Variants in PCDHA3 observed in about 807,000 individuals in gnomAD.
PCDHA3 encodes the protein protocadherin alpha 3, also known as protocadherin alpha-3.
Under a neutral mutation model 62.2 loss-of-function variants are expected in PCDHA3, and 41 were observed. The observed-to-expected ratio is 0.66, with a 90% CI of 0.51 to 0.86. The LOEUF (loss-of-function observed/expected upper bound fraction) is 0.86, where lower values mean the gene tolerates loss of function less well. PCDHA3 is among the 40% of genes least tolerant of loss of function. The pLI is 0.00. For missense variants in PCDHA3, 1,304 were observed against 1,241.2 expected (o/e 1.05, Z -0.76); for synonymous variants, 640 against 555.4 (o/e 1.15, Z -2.14).
chr5:140,856,499 T>A, intron 1 of PCDHA3: 1 of 1,598,458 alleles, frequency 6.3e-7, no homozygotes, highest in Non-Finnish European at 8.6e-7. Flanking sequence ...TGACTCTCGA[T>A]TTCCACTAGA....
intron 1 of PCDHA3, chr5:140,828,065 AT>A: frequency 2.6e-6 from 4 of 1,559,414 alleles, no homozygotes; most frequent in Non-Finnish European, 3.5e-6. Context: ...AGATCTTCTA[AT>A]GGAAATAAAA....
chr5:140,995,685 T>C (rs951521178), intron 3 of PCDHA3, among the ~76,000 whole-genome samples: 8 of 152,186 alleles, frequency 5.3e-5, no homozygotes, highest in African/African-American at 1.9e-4. Flanking sequence ...TTTTTTTTAA[T>C]TGTTAAATAA....
chr5:140,853,692 C>G, intron 1 of PCDHA3: 1 of 987,924 alleles, frequency 1.0e-6, no homozygotes, highest in Non-Finnish European at 1.2e-6. Context: ...ATCCTTAGAC[C>G]TGCTAACGCA....
At chr5:140,824,520 T>G in intron 1 of PCDHA3, 2 of 214,438 alleles carry the variant, frequency 9.3e-6, no homozygotes, top group East Asian at 1.2e-4. Flanking sequence ...GATCTGATCA[T>G]AGCTCACCGA....
chr5:140,949,685 G>A (rs1044878374), intron 1 of PCDHA3, among the ~76,000 whole-genome samples: 4 of 151,794 alleles, frequency 2.6e-5, no homozygotes, highest in East Asian at 1.9e-4. Flanking sequence ...TTGTTGAAGC[G>A]TATTGTTGGA....
intron 1 of PCDHA3, chr5:140,884,052 G>A (rs200938440): frequency 8.7e-6 from 14 of 1,613,472 alleles, no homozygotes; most frequent in African/African-American, 4.0e-5. Context: ...GCGAAGGTGC[G>A]CGCGGTGGAC....
At chr5:140,803,941 A>G in intron 1 of PCDHA3, 1 of 380,398 alleles carries the variant, frequency 2.6e-6, no homozygotes, top group South Asian at 4.0e-5. Flanking sequence ...TCCCTATACA[A>G]TGCTTCTTCA....
chr5:140,968,614 A>G, intron 1 of PCDHA3: 5 of 1,614,142 alleles, frequency 3.1e-6, no homozygotes, highest in Non-Finnish European at 4.2e-6. Flanking sequence ...ACTCTGGGCA[A>G]AATGCTTGGC....
At chr5:140,916,539 A>G (rs114063131) in intron 1 of PCDHA3, among the ~76,000 whole-genome samples, 1,727 of 152,262 alleles carry the variant, frequency 0.011, 30 homozygotes, top group African/African-American at 0.038. Context: ...CACCAAGGCA[A>G]TGGGTTTTCT....
intron 1 of PCDHA3, among the ~76,000 whole-genome samples, chr5:140,956,211 T>C (rs908749043): frequency 6.6e-6 from 1 of 152,198 alleles, no homozygotes; most frequent in African/African-American, 2.4e-5. Context: ...AAAGAGGGCA[T>C]CCTTGTCTTG....
intron 1 of PCDHA3, chr5:140,823,400 C>A (rs2150125536): frequency 1.2e-5 from 20 of 1,612,960 alleles, no homozygotes; most frequent in Non-Finnish European, 1.4e-5. Flanking sequence ...GCGGGCGTGC[C>A]GCCTCTGGGC....
At chr5:140,841,572 T>C (rs1562389584) in intron 1 of PCDHA3, 4 of 1,613,982 alleles carry the variant, frequency 2.5e-6, no homozygotes, top group Middle Eastern at 1.7e-4. Flanking sequence ...AATGGCATTT[T>C]GTTTGTGAAT....
intron 1 of PCDHA3, chr5:140,836,538 A>T: frequency 6.2e-7 from 1 of 1,613,734 alleles, no homozygotes; most frequent in Non-Finnish European, 8.5e-7. Context: ...GCTGCTGTAC[A>T]CGGCGTTGCG....
intron 1 of PCDHA3, chr5:140,930,241 C>T (rs2086688232): frequency 1.3e-5 from 2 of 152,148 alleles, no homozygotes; most frequent in African/African-American, 2.4e-5. Context: ...ATCCAAAGTC[C>T]ATTCAACTTG....
chr5:140,974,309 TGA>T (rs1190034770), intron 1 of PCDHA3, among the ~76,000 whole-genome samples: 4 of 152,212 alleles, frequency 2.6e-5, no homozygotes, highest in South Asian at 4.1e-4. Context: ...CAACTGTGAG[TGA>T]GAGAGTAGCT....
chr5:141,000,292 T>C (rs2097899521), intron 3 of PCDHA3, among the ~76,000 whole-genome samples: 1 of 149,730 alleles, frequency 6.7e-6, no homozygotes, highest in Non-Finnish European at 1.5e-5. Flanking sequence ...GGAATATTGC[T>C]TGAGGCCAGG....
At chr5:140,962,318 A>G (rs2095672102) in intron 1 of PCDHA3, among the ~76,000 whole-genome samples, 1 of 152,338 alleles carries the variant, frequency 6.6e-6, no homozygotes, top group South Asian at 2.1e-4. Context: ...GGCCATCTCA[A>G]TTGAGAATAC....
At chr5:140,971,586 C>G (rs1290834481) in intron 1 of PCDHA3, among the ~76,000 whole-genome samples, 1 of 152,022 alleles carries the variant, frequency 6.6e-6, no homozygotes, top group Non-Finnish European at 1.5e-5. Context: ...TTTTTCCTAC[C>G]TAGTTACTAC....
At chr5:140,977,283 G>A (rs2096753441) in intron 1 of PCDHA3, among the ~76,000 whole-genome samples, 1 of 152,190 alleles carries the variant, frequency 6.6e-6, no homozygotes, top group African/African-American at 2.4e-5. Context: ...CTCAAAGGAA[G>A]GTTCTCTCAG....
Sources: allele counts gnomAD v4.1 joint callset (sites outside exome capture counted in the v4.1 genomes callset), GRCh38; gene constraint gnomAD v4.1.1; transcripts MANE v1.5; gene names NCBI Gene and HGNC (gene_info 2026-07-23, HGNC 2026-07-21).